The following TMEFF1 variants were observed in gnomAD, a reference collection of about 807,000 sequenced individuals.
The protein encoded by TMEFF1 is tomoregulin-1.
TMEFF1 carries 20 observed loss-of-function variants against 47.5 expected under a neutral mutation model. That is an observed-to-expected ratio of 0.42 (90% CI 0.30 to 0.61). TMEFF1 has a LOEUF of 0.61. Ranked by LOEUF, TMEFF1 falls within the 20% of genes least tolerant of loss-of-function variation. The pLI, the probability that TMEFF1 is intolerant of heterozygous loss-of-function variation, is 0.19. For missense variants in TMEFF1, 411 were observed against 471.1 expected, an observed-to-expected ratio of 0.87 and a Z score of 1.18; for synonymous variants, 162 against 166.3, an observed-to-expected ratio of 0.97 and a Z score of 0.20.
At chr9:100,549,497 G>T (rs1838794813) in intron 6 of TMEFF1, among the ~76,000 whole-genome samples, 1 of 152,058 alleles carries the variant, frequency 6.6e-6, no homozygotes, top group African/African-American at 2.4e-5. Flanking sequence ...AGAGTGATTG[G>T]GCCTTAAGTT....
intron 5 of TMEFF1, among the ~76,000 whole-genome samples, chr9:100,541,371 C>CTTTTTTTT (rs1838626146): frequency 8.9e-6 from 1 of 112,280 alleles, no homozygotes; most frequent in Admixed American, 8.8e-5. Flanking sequence ...TTCTTTCTTT[C>CTTTTTTTT]TTTCTTTTTT....
intron 1 of TMEFF1, among the ~76,000 whole-genome samples, chr9:100,495,059 TC>T (rs763973562): frequency 2.0e-5 from 3 of 152,174 alleles, no homozygotes; most frequent in Admixed American, 1.3e-4. Context: ...GATTTTTTTT[TC>T]GTTTGCAAAT....
rs115837729 is a variant in TMEFF1 at position 100,504,760 on chromosome 9, T to C, written c.307-4245T>C. On this transcript the variant is annotated intron_variant, in intron 2 of 9. Transcript: ENST00000374879. ...ACATTTTTGGCTTTATAGCCTTAGC[T>C]CTAAGCATTCAACCATGTGCTTCAC... Among the ~76,000 whole-genome samples, 1,026 of 152,334 alleles carry C rather than the reference T, an allele frequency of 6.7e-3. 11 individuals carry two copies. Among genetic ancestry groups the C allele is most frequent in the African/African-American group, 0.023 (954 of 41,580 alleles).
chr9:100,539,089 A>G (rs944146830), intron 5 of TMEFF1, among the ~76,000 whole-genome samples: 2 of 152,100 alleles, frequency 1.3e-5, no homozygotes, highest in African/African-American at 4.8e-5. Flanking sequence ...GTATTTTAGT[A>G]GAGACAGGGT....
At chr9:100,531,330 A>T (rs1197319487) in intron 5 of TMEFF1, among the ~76,000 whole-genome samples, 1 of 152,240 alleles carries the variant, frequency 6.6e-6, no homozygotes, top group Non-Finnish European at 1.5e-5. Flanking sequence ...TTGTATATCT[A>T]GAAAACCCGA....
chr9:100,491,993 C>T (rs1191959758), intron 1 of TMEFF1, among the ~76,000 whole-genome samples: 2 of 151,250 alleles, frequency 1.3e-5, no homozygotes, highest in Non-Finnish European at 2.9e-5. Flanking sequence ...TCAAGCAATT[C>T]TCCTGCCTCA....
intron 1 of TMEFF1, among the ~76,000 whole-genome samples, chr9:100,489,090 C>T (rs1231339798): frequency 6.6e-6 from 1 of 152,072 alleles, no homozygotes; most frequent in African/African-American, 2.4e-5. Context: ...ACCCCCATCC[C>T]CTGGTAACCA....
chr9:100,530,852 A>G (rs1440005481), intron 5 of TMEFF1, among the ~76,000 whole-genome samples: 4 of 152,136 alleles, frequency 2.6e-5, no homozygotes, highest in Non-Finnish European at 5.9e-5. Flanking sequence ...ATACTGGCAA[A>G]ACGAATCCAG....
chr9:100,511,149 G>A lies in TMEFF1; in HGVS notation c.436+2015G>A, dbSNP rs370588241. ...TTTTAGTCTAGTAGACTATGATTTG[G>A]TGTGGTTCTTATATACTTCTTTAAG... On this transcript the variant is annotated intron_variant, in intron 3 of 9. Coordinates refer to ENST00000374879, the MANE Select transcript of TMEFF1 (RefSeq NM_003692.5). Among the ~76,000 whole-genome samples, 6 of 152,290 alleles carry A rather than the reference G, an allele frequency of 3.9e-5. No homozygotes were observed. In the East Asian group the frequency reaches 9.6e-4, roughly 24 times the overall value.
intron 8 of TMEFF1, among the ~76,000 whole-genome samples, chr9:100,571,362 G>T (rs945135471): frequency 5.8e-5 from 6 of 102,726 alleles, no homozygotes; most frequent in African/African-American, 1.9e-4. Flanking sequence ...TTAGAACTGG[G>T]AATAGATAAT....
intron 5 of TMEFF1, among the ~76,000 whole-genome samples, chr9:100,542,426 A>G (rs1363249335): frequency 2.0e-5 from 3 of 152,034 alleles, no homozygotes; most frequent in South Asian, 4.1e-4. Flanking sequence ...TCATTTTTCT[A>G]TTGCCTTTAG....
chr9:100,544,652 C>T (rs1838698643), intron 5 of TMEFF1, among the ~76,000 whole-genome samples: 1 of 152,252 alleles, frequency 6.6e-6, no homozygotes, highest in African/African-American at 2.4e-5. Flanking sequence ...CATGCCTTCT[C>T]ACCAGTCACC....
Position 100,576,625 on chromosome 9 carries a change from G to T in TMEFF1, c.*25G>T. 1.3e-6 allele frequency: 2 copies of T among 1,575,830 alleles called. No individual in the cohort carries two copies. The highest frequency in any genetic ancestry group is 2.0e-5 in the Admixed American group (1 of 49,414). ...AACTGATGACTTTTATATGTACACT[G>T]ACCATGTGATGTACATTTATTATGT... On this transcript the variant is annotated 3_prime_UTR_variant, in exon 10 of 10. Coordinates refer to ENST00000374879, the MANE Select transcript of TMEFF1 (RefSeq NM_003692.5).
chr9:100,542,923 C>CTTTTTTT (rs34994276), intron 5 of TMEFF1, among the ~76,000 whole-genome samples: 2 of 104,588 alleles, frequency 1.9e-5, no homozygotes, highest in Non-Finnish European at 3.9e-5. Context: ...CTCTCTCTCT[C>CTTTTTTT]TTTTTTTTTT....
Position 100,529,835 on chromosome 9 carries a change from A to G in TMEFF1, c.560+13064A>G, listed in dbSNP as rs558436801. ...ACACCTATTCCAAAATTGACCACAT[A>G]GTTGGAAGTAAAGCTCTCCTCAGCA... On this transcript the variant is annotated intron_variant, in intron 5 of 9. Coordinates refer to ENST00000374879, the MANE Select transcript of TMEFF1 (RefSeq NM_003692.5). Among the ~76,000 whole-genome samples the G allele has an allele frequency of 4.4e-3, 677 of 152,270 alleles. 3 individuals are homozygous for G. The highest frequency in any genetic ancestry group is 0.016 in the African/African-American group (654 of 41,540).
intron 1 of TMEFF1, among the ~76,000 whole-genome samples, chr9:100,476,539 C>T (rs374268055): frequency 1.4e-4 from 21 of 151,928 alleles, no homozygotes; most frequent in East Asian, 9.7e-4. Flanking sequence ...GGACTACAGG[C>T]GCCCACCACC....
At chr9:100,553,209 GA>G (rs1564026120) in intron 7 of TMEFF1, among the ~76,000 whole-genome samples, 1 of 152,198 alleles carries the variant, frequency 6.6e-6, no homozygotes, top group Non-Finnish European at 1.5e-5. Context: ...CATGAAGGAT[GA>G]AAGACGAAAC....
chr9:100,572,675 A>C lies in TMEFF1; in HGVS notation c.1057A>C (p.Arg353=). The C allele has an allele frequency of 6.2e-7, 1 of 1,603,672 alleles. No homozygotes were observed. The highest frequency in any genetic ancestry group is 8.5e-7 in the Non-Finnish European group (1 of 1,175,916). The stretch of plus-strand genomic sequence containing the variant: ...AGTAGCAATTGTAATGTGCATAACA[A>C]GGTAGGTAATGATGTAAGAAATATC... ...IIVAIVMCIT[R]KCPKNNRGRR... The change falls in exon 9 of 10, where the codon AGA becomes CGA. Residue 353 remains arginine (R), a splice_region_variant and synonymous_variant. Coordinates refer to ENST00000374879, the MANE Select transcript of TMEFF1 (RefSeq NM_003692.5).
chr9:100,538,772 TTTGA>T (rs1258850420), intron 5 of TMEFF1, among the ~76,000 whole-genome samples: 1 of 152,246 alleles, frequency 6.6e-6, no homozygotes, highest in African/African-American at 2.4e-5. Context: ...GCTTGTTGAA[TTTGA>T]TTGTTTGCCT....
Sources: gnomAD v4.1 joint callset for allele counts (sites outside exome capture counted in the v4.1 genomes callset) on GRCh38, gnomAD v4.1.1 for gene constraint, MANE v1.5 for transcripts, NCBI Gene and HGNC (gene_info 2026-07-23, HGNC 2026-07-21) for gene names.